Variants in TTK observed in about 807,000 individuals in gnomAD.
The protein encoded by TTK is TTK protein kinase, also known as dual specificity protein kinase TTK.
TTK carries 59 observed loss-of-function variants against 117.3 expected under a neutral mutation model. That is an observed-to-expected ratio of 0.50 (90% CI 0.41 to 0.62). TTK has a LOEUF of 0.62. TTK is among the 20% of genes least tolerant of loss of function. The pLI is 0.00. For missense variants in TTK, 921 were observed against 989.4 expected (o/e 0.93, Z 0.93); for synonymous variants, 302 against 325.0 (o/e 0.93, Z 0.76).
In TTK at chr6:80,039,871, A is replaced by G; in HGVS notation, c.2306A>G (p.Lys769Arg). The change falls in exon 19 of 22, where the codon AAG becomes AGG. Residue 769 changes from lysine to arginine, a missense_variant and splice_region_variant. By Grantham distance (26) the Lys-to-Arg change is conservative (BLOSUM62 2). Transcript: ENST00000369798. The part of the protein sequence containing the change: ...IPEKDLQDVL[K>R]CCLKRDPKQR... ...GAGAAAGATCTTCAAGATGTGTTAA[A>G]GGTAATATTAATTTCATGTAACTAA... The G allele has an allele frequency of 6.5e-7, 1 of 1,541,730 alleles. No homozygotes were observed. Among genetic ancestry groups the G allele is most frequent in the Non-Finnish European group, 8.7e-7 (1 of 1,148,380 alleles).
At chr6:80,028,484 A>C (rs1767668496) in intron 13 of TTK, among the ~76,000 whole-genome samples, 2 of 151,456 alleles carry the variant, frequency 1.3e-5, no homozygotes, top group Admixed American at 6.6e-5. Flanking sequence ...CACCTGGCTA[A>C]TTTTTGTATT....
At chr6:80,010,471 T>A (rs1430278230) in intron 4 of TTK, among the ~76,000 whole-genome samples, 1 of 150,496 alleles carries the variant, frequency 6.6e-6, no homozygotes, top group East Asian at 1.9e-4. Flanking sequence ...TGTTTCTAAC[T>A]GTTGTGATTG....
At chr6:80,023,178 C>T (rs1767509159) in intron 11 of TTK, among the ~76,000 whole-genome samples, 1 of 152,096 alleles carries the variant, frequency 6.6e-6, no homozygotes, top group Admixed American at 6.6e-5. Context: ...AACATTTGGC[C>T]TTTTATACTC....
intron 2 of TTK, 114 bp from the exon 3 acceptor site, chr6:80,007,694 CT>C: frequency 1.3e-6 from 1 of 763,206 alleles, no homozygotes. Context: ...ATTATAAGGA[CT>C]TTATGTACAT....
chr6:80,038,417 G>A (rs1229972198), intron 18 of TTK, among the ~76,000 whole-genome samples: 1 of 152,098 alleles, frequency 6.6e-6, no homozygotes, highest in African/African-American at 2.4e-5. Context: ...CTCTACATCA[G>A]TGTAACCAAG....
Position 80,007,969 on chromosome 6 carries a change from A to G in TTK, c.300A>G (p.Pro100=). 6.2e-7 allele frequency: 1 copy of G among 1,613,638 alleles called. No homozygotes were observed. Among genetic ancestry groups the G allele is most frequent in the South Asian group, 1.1e-5 (1 of 91,050 alleles). Residue 100 remains proline, a synonymous_variant, in exon 3 of 22, where the codon CCA becomes CCG. Transcript: ENST00000369798. The part of the protein sequence containing the change: ...RYSQAIEALP[P]DKYGQNESFA... ...GTCAAGCAATTGAAGCGCTTCCCCCAGATAAATATGGCCAAAATGAGAGTT... is the reference window on the plus strand; with the variant it reads ...GTCAAGCAATTGAAGCGCTTCCCCCGGATAAATATGGCCAAAATGAGAGTT...
intron 19 of TTK, 148 bp from the exon 20 acceptor site, chr6:80,040,048 C>A: frequency 2.2e-6 from 2 of 928,202 alleles, no homozygotes; most frequent in Non-Finnish European, 3.0e-6. Context: ...TGCAAAAGTG[C>A]CTTGGGAGAA....
intron 3 of TTK, 38 bp downstream of exon 3, chr6:80,008,069 C>T (rs752823772): frequency 9.4e-6 from 15 of 1,590,820 alleles, no homozygotes; most frequent in Non-Finnish European, 1.2e-5. Flanking sequence ...AACTATGTTA[C>T]ATAATATGTA....
At chr6:80,041,350 G>A (rs1239516975) in intron 21 of TTK, among the ~76,000 whole-genome samples, 2 of 151,834 alleles carry the variant, frequency 1.3e-5, no homozygotes, top group South Asian at 2.1e-4. Flanking sequence ...AAGTTGCCAA[G>A]AACTTGAATA....
At chr6:80,030,947 G>A (rs1432197385) in intron 13 of TTK, among the ~76,000 whole-genome samples, 1 of 151,642 alleles carries the variant, frequency 6.6e-6, no homozygotes, top group Admixed American at 6.6e-5. Flanking sequence ...TCGGGAGGCT[G>A]AGGAGAAGAA....
At chr6:80,026,247 C>A in intron 11 of TTK, 131 bp from the exon 12 acceptor site, 2 of 898,050 alleles carry the variant, frequency 2.2e-6, no homozygotes, top group South Asian at 2.1e-5. Context: ...TATATATATG[C>A]CTATCTCTTT....
At position 80,035,423 on chromosome 6, in the gene TTK, T is replaced by C. The variant is rs746282138; in HGVS notation, c.1924+6T>C. 5.6e-5 allele frequency: 89 copies of C among 1,589,960 alleles called. No homozygotes were observed. Among genetic ancestry groups the C allele is most frequent in the Middle Eastern group, 1.7e-4 (1 of 5,926 alleles). ...TCACACAATCCATCAACATGGTATTTAACAGTTTTTTTATATTTGTAAGGT... is the reference window on the plus strand; with the variant it reads ...TCACACAATCCATCAACATGGTATTCAACAGTTTTTTTATATTTGTAAGGT... On this transcript the variant is annotated splice_donor_region_variant and intron_variant, in intron 16 of 21. Coordinates refer to ENST00000369798, the MANE Select transcript of TTK (RefSeq NM_003318.5).
chr6:80,011,295 C>A, intron 5 of TTK, 139 bp from the exon 6 acceptor site: 2 of 531,740 alleles, frequency 3.8e-6, no homozygotes, highest in South Asian at 3.9e-5. Flanking sequence ...ATCTTGGTAT[C>A]ATCTTCATGT....
intron 13 of TTK, among the ~76,000 whole-genome samples, chr6:80,030,522 A>G (rs1213931559): frequency 6.6e-6 from 1 of 152,196 alleles, no homozygotes; most frequent in Non-Finnish European, 1.5e-5. Flanking sequence ...GATGCTGGCA[A>G]TCTGGTTGGC....
rs765099875 is a variant in TTK at position 80,005,897 on chromosome 6, C to G, written c.54C>G (p.Asn18Lys). ...GRELTIDSIMNKVRDIKNKFK... is the reference protein window; with the variant it reads ...GRELTIDSIMKKVRDIKNKFK... ...AATTGACAATTGATTCCATAATGAA[C>G]AAAGTGAGAGACATTAAAAATAAGT... Residue 18 changes from asparagine to lysine, a missense_variant, in exon 2 of 22, where the codon AAC becomes AAG. Coordinates refer to ENST00000369798, the MANE Select transcript of TTK (RefSeq NM_003318.5). The G allele has an allele frequency of 1.9e-6, 3 of 1,612,048 alleles. No homozygotes were observed.
At chr6:80,013,149 G>T in intron 8 of TTK, 130 bp from the exon 9 acceptor site, 1 of 712,526 alleles carries the variant, frequency 1.4e-6, no homozygotes, top group Non-Finnish European at 2.3e-6. Context: ...TCTAAAAAAT[G>T]TCTTTTTAAG....
chr6:80,028,206 G>A (rs1179151424), intron 13 of TTK, among the ~76,000 whole-genome samples, 195 bp downstream of exon 13: 1 of 152,100 alleles, frequency 6.6e-6, no homozygotes. Context: ...AGAAGCTTAC[G>A]AAGCTACTCT....
chr6:80,012,170 C>A (rs1212976990), intron 8 of TTK, among the ~76,000 whole-genome samples, 190 bp downstream of exon 8: 1 of 151,852 alleles, frequency 6.6e-6, no homozygotes, highest in Non-Finnish European at 1.5e-5. Flanking sequence ...CTTTTTCACT[C>A]ATTAAAAATA....
At chr6:80,033,154 G>A (rs1767803179) in intron 14 of TTK, among the ~76,000 whole-genome samples, 1 of 152,130 alleles carries the variant, frequency 6.6e-6, no homozygotes, top group African/African-American at 2.4e-5. Flanking sequence ...AACCACCATT[G>A]TCAAAGGTAG....
Sources: gnomAD v4.1 joint callset for allele counts (sites outside exome capture counted in the v4.1 genomes callset) on GRCh38, gnomAD v4.1.1 for gene constraint, MANE v1.5 for transcripts, NCBI Gene and HGNC (gene_info 2026-07-23, HGNC 2026-07-21) for gene names.